ZNF469: variants seen among roughly 807,000 people sequenced by gnomAD.
ZNF469 encodes zinc finger protein 469.
ZNF469 carries 1 observed loss-of-function variant against 1.0 expected under a neutral mutation model. That is an observed-to-expected ratio of 1.00 (90% confidence interval 0.35 to 4.73). The LOEUF (loss-of-function observed/expected upper bound fraction) is 4.73. ZNF469 is among the 30% of genes most tolerant of loss of function. The probability of loss-of-function intolerance (pLI) is 0.16; values close to 1 mark genes in which losing one functional copy is unlikely to be tolerated. For missense variants in ZNF469, 6,100 were observed against 5,356.3 expected, an observed-to-expected ratio of 1.14 and a Z score of -4.33; for synonymous variants, 2,703 against 2,363.4, an observed-to-expected ratio of 1.14 and a Z score of -4.17.
At chr16:88,389,978 G>A (rs1195342894) in intron 1 of ZNF469, among the ~76,000 whole-genome samples, 1 of 152,206 alleles carries the variant, frequency 6.6e-6, no homozygotes, top group Non-Finnish European at 1.5e-5. Flanking sequence ...GTCGGCCTGC[G>A]GAGGGCCCCG....
At chr16:88,246,505 T>G in the ZNF469 span, among the ~76,000 whole-genome samples, 1 of 152,196 alleles carries the variant, frequency 6.6e-6, no homozygotes, top group Non-Finnish European at 1.5e-5. Flanking sequence ...AGGAGGAGGC[T>G]GTCTTGGCAC....
chr16:88,353,570 G>A, the ZNF469 span, among the ~76,000 whole-genome samples: 5 of 152,160 alleles, frequency 3.3e-5, no homozygotes, highest in Admixed American at 6.5e-5. Flanking sequence ...AGAGGCTCCC[G>A]GAGCCCATTG....
chr16:88,273,802 A>G, the ZNF469 span, among the ~76,000 whole-genome samples: 2 of 117,866 alleles, frequency 1.7e-5, no homozygotes, highest in Admixed American at 1.9e-4. Flanking sequence ...ACACTGTGGA[A>G]TATTTTTTTT....
the ZNF469 span, among the ~76,000 whole-genome samples, chr16:88,197,828 A>G: frequency 1.3e-5 from 2 of 152,210 alleles, no homozygotes; most frequent in African/African-American, 4.8e-5. Flanking sequence ...GGGCTTCTCC[A>G]TGGGCTGCCT....
chr16:88,432,875 A>G lies in ZNF469; in HGVS notation c.5405A>G (p.His1802Arg), dbSNP rs1276193395. 5.2e-6 allele frequency: 8 copies of G among 1,550,266 alleles called. No individual in the cohort carries two copies. Among genetic ancestry groups the G allele is most frequent in the Non-Finnish European group, 6.1e-6 (7 of 1,146,950 alleles). Reference sequence around the variant, plus strand: ...GAAGCTTTTGGCAGCCCTGCTGTCCATCTGGCCCCTGACTTGGCATTTCAG... The same window carrying G: ...GAAGCTTTTGGCAGCCCTGCTGTCCGTCTGGCCCCTGACTTGGCATTTCAG... ...APEAFGSPAV[H>R]LAPDLAFQGD... Residue 1802 changes from histidine (H) to arginine (R), a missense_variant, in exon 3 of 3, where the codon CAT becomes CGT. Physicochemically the swap from His to Arg is conservative, Grantham distance 29. Transcript: ENST00000565624.
the ZNF469 span, among the ~76,000 whole-genome samples, chr16:88,280,350 G>C: frequency 6.6e-6 from 1 of 151,998 alleles, no homozygotes; most frequent in African/African-American, 2.4e-5. Context: ...GCCGACACTT[G>C]GTCAGTACTG....
the ZNF469 span, among the ~76,000 whole-genome samples, chr16:88,231,775 A>G: frequency 6.6e-6 from 1 of 152,024 alleles, no homozygotes; most frequent in Non-Finnish European, 1.5e-5. The surrounding 1 kb of genome is among the most constrained non-coding windows in gnomAD (Gnocchi z 4.5). Context: ...GGCCACTCCC[A>G]TCTCAAGAGC....
At chr16:88,388,342 C>T (rs1194363756) in intron 1 of ZNF469, among the ~76,000 whole-genome samples, 1 of 152,248 alleles carries the variant, frequency 6.6e-6, no homozygotes, top group Non-Finnish European at 1.5e-5. Context: ...GCAGGGCCAG[C>T]ATCCCAGCCA....
chr16:88,437,014 A>C lies in ZNF469; in HGVS notation c.9544A>C (p.Lys3182Gln), dbSNP rs2142314199. The C allele has an allele frequency of 6.5e-7, 1 of 1,526,828 alleles. No individual in the cohort carries two copies. The highest frequency in any genetic ancestry group is 1.4e-5 in the African/African-American group (1 of 72,816). 94.6% of individuals were successfully genotyped at this position (1,526,828 alleles called of 1,614,324 possible). Residue 3182 changes from lysine (K) to glutamine (Q), a missense_variant, in exon 3 of 3, where the codon AAG (lysine) becomes CAG (glutamine). By Grantham distance (53) the Lys-to-Gln change is moderately conservative. Transcript: ENST00000565624. ...GCCCTGGGCGTGCGGCATGTGCCTG[A>C]AGGAGGTGGCCGACGTCTGGATGTA... ...AGPWACGMCL[K>Q]EVADVWMYNE...
At chr16:88,217,070 T>G in the ZNF469 span, among the ~76,000 whole-genome samples, 2 of 152,264 alleles carry the variant, frequency 1.3e-5, no homozygotes, top group African/African-American at 4.8e-5. Flanking sequence ...CATCTCTGTA[T>G]CTGCTTCTAA....
the ZNF469 span, among the ~76,000 whole-genome samples, chr16:88,135,748 GTTT>G: frequency 0.13 from 8,653 of 66,820 alleles, 2,336 homozygotes; most frequent in Admixed American, 0.25. Flanking sequence ...AGCTGGCCAT[GTTT>G]TTTTTTTTTT....
chr16:88,394,125 G>T (rs1195983442), intron 1 of ZNF469, among the ~76,000 whole-genome samples: 1 of 150,290 alleles, frequency 6.7e-6, no homozygotes, highest in Admixed American at 6.7e-5. Flanking sequence ...AGAGGAGCGG[G>T]GTTTGACACG....
At chr16:88,267,004 G>A in the ZNF469 span, among the ~76,000 whole-genome samples, 13 of 152,344 alleles carry the variant, frequency 8.5e-5, no homozygotes, top group East Asian at 1.9e-4. Context: ...AGCAGCCCCC[G>A]CCAAGTCCTC....
chr16:88,113,472 A>T, the ZNF469 span, among the ~76,000 whole-genome samples: 1 of 152,068 alleles, frequency 6.6e-6, no homozygotes, highest in Non-Finnish European at 1.5e-5. Context: ...GCGCTTTGAC[A>T]CCTGGTGACA....
At chr16:88,328,549 C>T in the ZNF469 span, among the ~76,000 whole-genome samples, 6 of 152,348 alleles carry the variant, frequency 3.9e-5, no homozygotes, top group African/African-American at 1.4e-4. Flanking sequence ...GAAGCTGATC[C>T]GATGCACCTG....
chr16:88,204,033 A>G, the ZNF469 span, among the ~76,000 whole-genome samples: 130,775 of 147,794 alleles, frequency 0.88, 57,829 homozygotes, highest in Non-Finnish European at 0.94. Context: ...CCATAGAGCA[A>G]TGGGAGGTGC....
the ZNF469 span, among the ~76,000 whole-genome samples, chr16:88,257,170 G>A: frequency 6.7e-6 from 1 of 148,550 alleles, no homozygotes; most frequent in African/African-American, 2.5e-5. Flanking sequence ...TGCCATGTTG[G>A]CCAGGCTGGT....
the ZNF469 span, among the ~76,000 whole-genome samples, chr16:88,113,413 GC>G: frequency 6.6e-6 from 1 of 152,216 alleles, no homozygotes; most frequent in Non-Finnish European, 1.5e-5. Flanking sequence ...CACTGTAGGT[GC>G]GTGGGTAATG....
the ZNF469 span, among the ~76,000 whole-genome samples, chr16:88,279,073 T>C: frequency 7.6e-6 from 1 of 131,390 alleles, no homozygotes; most frequent in African/African-American, 2.6e-5. Context: ...AGTGCATGGT[T>C]AGTGCTGCGC....
Sources: allele counts gnomAD v4.1 joint callset (sites outside exome capture counted in the v4.1 genomes callset), GRCh38; gene constraint gnomAD v4.1.1; non-coding constraint Gnocchi (gnomAD v3.1); transcripts MANE v1.5; gene names NCBI Gene and HGNC (gene_info 2026-07-23, HGNC 2026-07-21).